Variants in THOC2 observed in about 807,000 individuals in gnomAD.
The protein encoded by THOC2 is THO complex subunit 2.
Under a neutral mutation model 128.4 loss-of-function variants are expected in THOC2, and 10 were observed. The ratio of observed to expected loss-of-function variants is 0.08; its 90% CI spans 0.05 to 0.13. The LOEUF is 0.13. Among genes scored for constraint, THOC2 ranks in the 10% least tolerant of loss-of-function variants. THOC2 has a pLI of 1.00. For missense variants in THOC2, 535 were observed against 1,155.7 expected (o/e 0.46, Z 7.79); for synonymous variants, 393 against 396.9 (o/e 0.99, Z 0.12).
intron 12 of THOC2, among the ~76,000 whole-genome samples, chrX:123,653,830 T>A (rs1179693954): frequency 8.9e-6 from 1 of 111,819 alleles, no homozygotes; most frequent in Non-Finnish European, 1.9e-5. Flanking sequence ...GTTCAACCAT[T>A]GTGGAAGACA....
chrX:123,656,700 ACT>A (rs2048603270), intron 12 of THOC2, among the ~76,000 whole-genome samples: 1 of 109,679 alleles, frequency 9.1e-6, no homozygotes, highest in Non-Finnish European at 1.9e-5. Context: ...ACAGAGCAAA[ACT>A]CTGTCTCAAA....
intron 8 of THOC2, among the ~76,000 whole-genome samples, chrX:123,677,210 C>T (rs369350702): frequency 3.6e-5 from 4 of 111,015 alleles, no homozygotes; most frequent in Non-Finnish European, 7.5e-5. Flanking sequence ...AAAAAAATTA[C>T]GGTATAAAAT....
At chrX:123,617,825 C>T (rs1041458897) in intron 33 of THOC2, among the ~76,000 whole-genome samples, 1 of 111,283 alleles carries the variant, frequency 9.0e-6, no homozygotes, top group Non-Finnish European at 1.9e-5. Context: ...TTTAAAATAG[C>T]CCATAGAAGC....
chrX:123,705,123 G>A (rs759660958), intron 3 of THOC2, among the ~76,000 whole-genome samples: 1 of 111,713 alleles, frequency 9.0e-6, no homozygotes, highest in Non-Finnish European at 1.9e-5. Context: ...TTACTCTTCT[G>A]TGGGTAAGAT....
chrX:123,729,248 A>C, intron 1 of THOC2, among the ~76,000 whole-genome samples: 1 of 112,185 alleles, frequency 8.9e-6, no homozygotes. Flanking sequence ...ACTCTTTAAG[A>C]GTTCTATAAT....
intron 1 of THOC2, among the ~76,000 whole-genome samples, chrX:123,713,332 A>G (rs2051270193): frequency 9.1e-6 from 1 of 110,288 alleles, no homozygotes; most frequent in African/African-American, 3.3e-5. Context: ...GAAATTAGTC[A>G]GGCGTGGCGG....
In THOC2 at chrX:123,601,284, T is replaced by G. The variant is rs774634178; in HGVS notation, c.*73A>C. The G allele has an allele frequency of 9.0e-6, 1 of 111,601 alleles. No homozygotes were observed. The highest frequency in any genetic ancestry group is 9.5e-5 in the Admixed American group (1 of 10,480). The allele number at this position is 111,601 out of a possible 1,213,427, so 9.2% of individuals were successfully genotyped here. ...CTCTTCATTCTTAATTCTCGGCAAT[T>G]TACTCAGGAAAATAAATTTCTGGTC... On this transcript the variant is annotated 3_prime_UTR_variant, in exon 39 of 39. Transcript: ENST00000245838.
rs776896801 is a variant in THOC2, at chrX:123,625,895, T to G, written c.3057+17A>C. On this transcript the variant is annotated intron_variant, in intron 25 of 38. Transcript: ENST00000245838. ...TCTTTGTGTGAGAACTTTTTAAAGG[T>G]TGCAATAAAAACTTACTCGATCATA... is the stretch of plus-strand genomic sequence containing the variant. 3.0e-4 allele frequency: 354 copies of G among 1,198,845 alleles called. No individual in the cohort carries two copies. The highest frequency in any genetic ancestry group is 3.8e-4 in the Non-Finnish European group (337 of 888,628).
At chrX:123,614,461 T>C in intron 33 of THOC2, among the ~76,000 whole-genome samples, 1 of 109,757 alleles carries the variant, frequency 9.1e-6, no homozygotes, top group Non-Finnish European at 1.9e-5. Context: ...GTATTCCTTA[T>C]AGCTCTATTG....
At chrX:123,687,695 T>C (rs1197244824) in intron 7 of THOC2, among the ~76,000 whole-genome samples, 1 of 111,983 alleles carries the variant, frequency 8.9e-6, no homozygotes, top group Non-Finnish European at 1.9e-5. Flanking sequence ...ACAAAACTAA[T>C]GTCATTTCAC....
chrX:123,631,771 T>G lies in THOC2; in HGVS notation c.2398A>C (p.Ile800Leu). The G allele has an allele frequency of 8.3e-7, 1 of 1,208,401 alleles. No individual in the cohort carries two copies. Among genetic ancestry groups the G allele is most frequent in the Non-Finnish European group, 1.1e-6 (1 of 892,620 alleles). ...TEDYIKRVPSIDVLCNEFHTP... is the reference protein window; with the variant it reads ...TEDYIKRVPSLDVLCNEFHTP... ...TGAAATTCATTACAGAGTACATCAA[T>G]TGAAGGCACTCGCTTTATATAATCT... Residue 800 changes from isoleucine to leucine, a missense_variant, in exon 22 of 39, where the codon ATT becomes CTT. Coordinates refer to ENST00000245838, the MANE Select transcript of THOC2 (RefSeq NM_001081550.2).
At chrX:123,656,352 A>G (rs200810457) in intron 12 of THOC2, among the ~76,000 whole-genome samples, 148 of 100,090 alleles carry the variant, frequency 1.5e-3, no homozygotes, top group African/African-American at 3.8e-3. Flanking sequence ...AAAAAAAAAA[A>G]AGAGAGAGAG....
chrX:123,657,406 G>A (rs767243859), intron 12 of THOC2, among the ~76,000 whole-genome samples: 2 of 109,920 alleles, frequency 1.8e-5, no homozygotes, highest in African/African-American at 3.3e-5. Context: ...AAGCAAGACA[G>A]ATGCAAAAAG....
In THOC2 at chrX:123,623,290, G is replaced by A. The variant is rs186145610; in HGVS notation, c.3504-7C>T. 4.1e-3 allele frequency: 4,785 copies of A among 1,169,198 alleles called. 10 individuals carry two copies. The highest frequency in any genetic ancestry group is 5.0e-3 in the Non-Finnish European group (4,421 of 876,085). ...TTTCAACTGCCCAGAGTAGCTGAAAGTCGCACAAAGTGTTTAAATATACAA... is the reference window on the plus strand; with the variant it reads ...TTTCAACTGCCCAGAGTAGCTGAAAATCGCACAAAGTGTTTAAATATACAA... On this transcript the variant is annotated splice_polypyrimidine_tract_variant and splice_region_variant and intron_variant, in intron 28 of 38. Coordinates refer to ENST00000245838, the MANE Select transcript of THOC2 (RefSeq NM_001081550.2).
chrX:123,613,314 T>G, intron 36 of THOC2, 85 bp downstream of exon 36: 1 of 970,247 alleles, frequency 1.0e-6, no homozygotes, highest in Non-Finnish European at 1.4e-6. Flanking sequence ...ACTATAGGAC[T>G]AGGAAAAAAA....
At chrX:123,692,526 G>C (rs2050267267) in intron 7 of THOC2, among the ~76,000 whole-genome samples, 1 of 75,665 alleles carries the variant, frequency 1.3e-5, no homozygotes. Context: ...TTTTGAGACA[G>C]TGTCTCACTC....
chrX:123,635,888 T>C (rs1170015183), intron 19 of THOC2, among the ~76,000 whole-genome samples, 191 bp downstream of exon 19: 2 of 112,069 alleles, frequency 1.8e-5, no homozygotes, highest in Non-Finnish European at 3.8e-5. Context: ...CATTTATTCA[T>C]GAAAAAAGGT....
chrX:123,619,645 G>A, intron 32 of THOC2: 1 of 372,792 alleles, frequency 2.7e-6, no homozygotes, highest in Non-Finnish European at 4.8e-6. Context: ...TGTACTCAAT[G>A]TAAGAAATAA....
At chrX:123,691,068 C>T (rs1490376603) in intron 7 of THOC2, among the ~76,000 whole-genome samples, 5 of 110,865 alleles carry the variant, frequency 4.5e-5, no homozygotes, top group Non-Finnish European at 7.6e-5. Flanking sequence ...AAAAATTAGA[C>T]GGGCATGGTG....
Sources: allele counts gnomAD v4.1 joint callset (sites outside exome capture counted in the v4.1 genomes callset), GRCh38; gene constraint gnomAD v4.1.1; transcripts MANE v1.5; gene names NCBI Gene and HGNC (gene_info 2026-07-23, HGNC 2026-07-21).